Variants in FBRSL1 observed in about 807,000 individuals in gnomAD.
FBRSL1 encodes the protein fibrosin-1-like protein.
In FBRSL1, 51 loss-of-function variants were observed where a neutral mutation model predicts 89.6. That is an observed-to-expected ratio of 0.57 (90% CI 0.45 to 0.72). The LOEUF (loss-of-function observed/expected upper bound fraction) is 0.72, where lower values mean the gene tolerates loss of function less well. Ranked by LOEUF, FBRSL1 falls within the 30% of genes least tolerant of loss-of-function variation. The pLI is 0.00. For missense variants in FBRSL1, 1,618 were observed against 1,451.8 expected, an observed-to-expected ratio of 1.11 and a Z score of -1.86; for synonymous variants, 779 against 681.1, an observed-to-expected ratio of 1.14 and a Z score of -2.24.
rs1362175343 is a variant in FBRSL1 at position 132,560,603 on chromosome 12, GCTGGCCCAGGCTGCGCCGCGTGT to G, written c.646-6871_646-6849del. Among the ~76,000 whole-genome samples the G allele has an allele frequency of 5.3e-5, 8 of 152,274 alleles. No individual in the cohort carries two copies. The East Asian group carries it at 7.8e-4, about 15-fold the overall frequency. ...AGTTCTTTGTCTGGGGCGGGGCGCGGCTGGCCCAGGCTGCGCCGCGTGTCTGGCCGAGGCTGCTCCGCGGGTCG... is the reference window on the plus strand; with the variant it reads ...AGTTCTTTGTCTGGGGCGGGGCGCGGCTGGCCGAGGCTGCTCCGCGGGTCG... On this transcript the variant is annotated intron_variant, in intron 5 of 18. Coordinates refer to ENST00000680143, the MANE Select transcript of FBRSL1 (RefSeq NM_001367871.1).
At chr12:132,525,865 G>A (rs1438268517) in intron 3 of FBRSL1, 42 bp downstream of exon 3, 7 of 1,493,502 alleles carry the variant, frequency 4.7e-6, no homozygotes, top group South Asian at 1.2e-5. Flanking sequence ...CCGAGTCTGG[G>A]CCGCCTGCCC....
At chr12:132,582,526 G>A (rs1215196544) in intron 18 of FBRSL1, among the ~76,000 whole-genome samples, 1 of 151,354 alleles carries the variant, frequency 6.6e-6, no homozygotes, top group Non-Finnish European at 1.5e-5. Context: ...GCTCCCCGGC[G>A]ACTCCTCCCT....
intron 1 of FBRSL1, among the ~76,000 whole-genome samples, chr12:132,506,023 G>A (rs2033644297): frequency 6.6e-6 from 1 of 152,228 alleles, no homozygotes; most frequent in Non-Finnish European, 1.5e-5. Context: ...GGAGATGTCG[G>A]AGGCCTCTCC....
intron 4 of FBRSL1, among the ~76,000 whole-genome samples, chr12:132,547,306 C>T (rs1393670939): frequency 1.3e-5 from 2 of 151,416 alleles, no homozygotes; most frequent in African/African-American, 2.4e-5. Flanking sequence ...AAACGGAGAA[C>T]GGACAGTCAG....
At position 132,546,716 on chromosome 12, in the gene FBRSL1, A is replaced by C. The variant is rs889443458; in HGVS notation, c.616-1287A>C. Among the ~76,000 whole-genome samples, 1 of 152,056 alleles carries C rather than the reference A, an allele frequency of 6.6e-6. No individual in the cohort carries two copies. Among genetic ancestry groups the C allele is most frequent in the Non-Finnish European group, 1.5e-5 (1 of 67,998 alleles). The stretch of plus-strand genomic sequence containing the variant: ...CTGTCAGCCTCAGGAGACCCCCCCC[A>C]CAGGCCCACCCCAGCTGCCCAGCTT... On this transcript the variant is annotated intron_variant, in intron 4 of 18. Transcript: ENST00000680143. This position sits in a 1 kb window ranked among gnomAD's most constrained non-coding sequence, Gnocchi z 4.0.
rs988134086 is a variant in FBRSL1, at chr12:132,509,421, G to A, written c.489+1071G>A. ...GCCCCGGCGGTCACTTCTGGGCCCC[G>A]GTCAGCCCTGCCGGCCCCAGCGGCT... On this transcript the variant is annotated intron_variant, in intron 2 of 18. Coordinates refer to ENST00000680143, the MANE Select transcript of FBRSL1 (RefSeq NM_001367871.1). 337 of 1,241,438 alleles carry A rather than the reference G, an allele frequency of 2.7e-4. No homozygotes were observed. Among genetic ancestry groups the A allele is most frequent in the Non-Finnish European group, 2.8e-4 (280 of 996,714 alleles). 76.9% of individuals were successfully genotyped at this position (1,241,438 alleles called of 1,614,324 possible). A position where few individuals can be genotyped will look rare whatever the true frequency, so the allele number is the denominator to read the frequency against.
intron 2 of FBRSL1, among the ~76,000 whole-genome samples, chr12:132,522,182 T>TCCCG (rs1197411745): frequency 6.6e-6 from 1 of 152,014 alleles, no homozygotes; most frequent in Non-Finnish European, 1.5e-5. Context: ...CACTGCTGGC[T>TCCCG]CCCGTCTCTC....
intron 9 of FBRSL1, chr12:132,571,597 C>CA (rs1418121343): frequency 2.0e-6 from 2 of 1,018,716 alleles, no homozygotes; most frequent in Non-Finnish European, 1.3e-6. Context: ...CACACACAGA[C>CA]ACACGCTCGC....
intron 5 of FBRSL1, chr12:132,551,582 A>C (rs1189259824): frequency 2.2e-6 from 1 of 456,072 alleles, no homozygotes; most frequent in Non-Finnish European, 4.4e-6. Context: ...GCCAGCTCCC[A>C]CCTGGCCAGC....
intron 2 of FBRSL1, chr12:132,509,468 C>T (rs1457550584): frequency 8.1e-7 from 1 of 1,240,530 alleles, no homozygotes; most frequent in African/African-American, 1.6e-5. Context: ...CAGATCAGCT[C>T]TGCCAGCCCC....
intron 1 of FBRSL1, among the ~76,000 whole-genome samples, chr12:132,500,489 T>G (rs2032790255): frequency 6.6e-6 from 1 of 152,010 alleles, no homozygotes; most frequent in African/African-American, 2.4e-5. Context: ...CTGTCCTCTG[T>G]CCCCCATAGG....
rs1306499033 is a variant in FBRSL1 at position 132,490,625 on chromosome 12, C to A, written c.55C>A (p.Arg19=). The A allele has an allele frequency of 1.0e-6, 1 of 983,670 alleles. No individual in the cohort carries two copies. Among genetic ancestry groups the A allele is most frequent in the Non-Finnish European group, 1.2e-6 (1 of 830,228 alleles). 60.9% of individuals were successfully genotyped at this position (983,670 alleles called of 1,614,324 possible). ...CTCGCGCGCGCAGCGGGACCGTGGC[C>A]GGCGCCGGGAGGCCGCCCGCGACGC... is the stretch of plus-strand genomic sequence containing the variant. ...RRSRAQRDRG[R]RREAARDARA... The change falls in exon 1 of 19, where the codon CGG becomes AGG. Residue 19 remains arginine, a synonymous_variant. Coordinates refer to ENST00000680143, the MANE Select transcript of FBRSL1 (RefSeq NM_001367871.1).
At chr12:132,531,550 C>CAT (rs1566152801) in intron 4 of FBRSL1, among the ~76,000 whole-genome samples, 1 of 150,446 alleles carries the variant, frequency 6.6e-6, no homozygotes, top group Non-Finnish European at 1.5e-5. Context: ...TCTGTGTGTG[C>CAT]GTGTGTGTGT....
chr12:132,531,584 A>T (rs1243509922), intron 4 of FBRSL1, among the ~76,000 whole-genome samples: 1 of 150,708 alleles, frequency 6.6e-6, no homozygotes, highest in African/African-American at 2.4e-5. Flanking sequence ...CGTGTGTGTG[A>T]CCTGTGTTTG....
At chr12:132,534,910 C>T (rs1330470654) in intron 4 of FBRSL1, among the ~76,000 whole-genome samples, 2 of 152,378 alleles carry the variant, frequency 1.3e-5, no homozygotes, top group South Asian at 2.1e-4. Flanking sequence ...CCTTTCACCC[C>T]ACCCACAGCT....
At chr12:132,530,013 G>A (rs2036128168) in intron 4 of FBRSL1, among the ~76,000 whole-genome samples, 1 of 152,154 alleles carries the variant, frequency 6.6e-6, no homozygotes, top group South Asian at 2.1e-4. Flanking sequence ...GACAGCCATG[G>A]TCATGAGTAT....
At chr12:132,521,396 T>C (rs1028397877) in intron 2 of FBRSL1, among the ~76,000 whole-genome samples, 8 of 152,150 alleles carry the variant, frequency 5.3e-5, no homozygotes, top group African/African-American at 1.9e-4. Context: ...CCAGCCCAAC[T>C]AGGGGGTGTG....
chr12:132,517,794 C>CTCCTGTGTTTT (rs2034979084), intron 2 of FBRSL1, among the ~76,000 whole-genome samples: 1 of 152,132 alleles, frequency 6.6e-6, no homozygotes, highest in Non-Finnish European at 1.5e-5. Context: ...ACAACGTGAG[C>CTCCTGTGTTTT]TCCTGTGTTT....
chr12:132,524,769 C>T (rs7398953), intron 2 of FBRSL1, among the ~76,000 whole-genome samples: 111,173 of 152,104 alleles, frequency 0.73, 41,154 homozygotes, highest in African/African-American at 0.86. Context: ...CAGGGGCGTC[C>T]CTGCTGGGCG....
Sources: allele counts gnomAD v4.1 joint callset (sites outside exome capture counted in the v4.1 genomes callset), GRCh38; gene constraint gnomAD v4.1.1; non-coding constraint Gnocchi (gnomAD v3.1); transcripts MANE v1.5; gene names NCBI Gene and HGNC (gene_info 2026-07-23, HGNC 2026-07-21).